The following ROR1 variants were observed in gnomAD, a reference collection of about 807,000 sequenced individuals.
The protein encoded by ROR1 is inactive tyrosine-protein kinase transmembrane receptor ROR1.
ROR1 carries 19 observed loss-of-function variants against 78.8 expected under a neutral mutation model. That is an observed-to-expected ratio of 0.24 (90% CI 0.17 to 0.35). ROR1 has a LOEUF of 0.35. Ranked by LOEUF, ROR1 falls within the 10% of genes least tolerant of loss-of-function variation. ROR1 has a pLI of 1.00. For synonymous variants in ROR1, 386 were observed against 433.6 expected (o/e 0.89, Z 1.36); for missense variants, 917 against 1,177.8 (o/e 0.78, Z 3.24).
At chr1:63,823,940 G>T (rs1644938770) in intron 1 of ROR1, among the ~76,000 whole-genome samples, 1 of 152,058 alleles carries the variant, frequency 6.6e-6, no homozygotes, top group Non-Finnish European at 1.5e-5. Context: ...TAGAGATGGG[G>T]TTTCACCATG....
chr1:64,127,488 CTG>C (rs1259982451), intron 4 of ROR1, among the ~76,000 whole-genome samples: 1 of 151,090 alleles, frequency 6.6e-6, no homozygotes, highest in Non-Finnish European at 1.5e-5. Context: ...TCTCCTCTCT[CTG>C]TCTCTCTCTC....
intron 4 of ROR1, among the ~76,000 whole-genome samples, chr1:64,097,989 T>C (rs1647363889): frequency 6.6e-6 from 1 of 152,196 alleles, no homozygotes; most frequent in Non-Finnish European, 1.5e-5. Flanking sequence ...ACACAATTGC[T>C]ACTCATCTGT....
intron 1 of ROR1, among the ~76,000 whole-genome samples, chr1:63,859,441 C>T (rs572224167): frequency 6.6e-6 from 1 of 151,918 alleles, no homozygotes; most frequent in South Asian, 2.1e-4. Flanking sequence ...TATGTTAGTA[C>T]ATGTTGATTC....
chr1:63,786,256 ATTTTTTTTTT>A (rs34933492), intron 1 of ROR1, among the ~76,000 whole-genome samples: 62 of 67,508 alleles, frequency 9.2e-4, no homozygotes, highest in Admixed American at 1.5e-3. Context: ...CTACAACTTG[ATTTTTTTTTT>A]TTTTTTTTTT....
intron 4 of ROR1, among the ~76,000 whole-genome samples, chr1:64,078,761 C>T (rs1211593535): frequency 4.6e-5 from 7 of 152,058 alleles, no homozygotes; most frequent in Admixed American, 2.0e-4. Flanking sequence ...GGAAAAGATA[C>T]GATCTTAAGA....
At chr1:64,097,408 C>A (rs925472014) in intron 4 of ROR1, among the ~76,000 whole-genome samples, 3 of 152,152 alleles carry the variant, frequency 2.0e-5, no homozygotes, top group Non-Finnish European at 4.4e-5. Context: ...CAGCTGATTA[C>A]TGATCTTAAT....
chr1:64,120,561 C>T (rs1251708437), intron 4 of ROR1, among the ~76,000 whole-genome samples: 1 of 151,304 alleles, frequency 6.6e-6, no homozygotes, highest in African/African-American at 2.4e-5. Context: ...TTACACTTAC[C>T]ACACATCTCA....
chr1:63,954,021 A>G (rs1645962304), intron 1 of ROR1, among the ~76,000 whole-genome samples: 1 of 152,134 alleles, frequency 6.6e-6, no homozygotes, highest in East Asian at 1.9e-4. Flanking sequence ...CAGGAGTGAG[A>G]CCTGGGCTAA....
At chr1:64,106,518 G>A (rs1046250813) in intron 4 of ROR1, 11 of 152,128 alleles carry the variant, frequency 7.2e-5, no homozygotes, top group African/African-American at 2.7e-4. Flanking sequence ...GTGAGAAGAG[G>A]GCATCCTTAC....
intron 1 of ROR1, among the ~76,000 whole-genome samples, chr1:63,860,489 G>A (rs1362535748): frequency 6.6e-6 from 1 of 151,752 alleles, no homozygotes; most frequent in African/African-American, 2.4e-5. Context: ...GGGAGGCCGA[G>A]GTGGGCAGAT....
chr1:64,035,313 A>G (rs889011941), intron 2 of ROR1, among the ~76,000 whole-genome samples: 2 of 152,206 alleles, frequency 1.3e-5, no homozygotes, highest in South Asian at 2.1e-4. Flanking sequence ...CACGAAGAGG[A>G]AGCTTAAGTT....
chr1:64,059,678 C>T (rs1646901722), intron 4 of ROR1, among the ~76,000 whole-genome samples: 1 of 146,564 alleles, frequency 6.8e-6, no homozygotes, highest in South Asian at 2.2e-4. Flanking sequence ...CACTACATTC[C>T]AGCCTGGGTG....
At chr1:64,076,105 T>C (rs1160161561) in intron 4 of ROR1, among the ~76,000 whole-genome samples, 1 of 151,948 alleles carries the variant, frequency 6.6e-6, no homozygotes, top group Admixed American at 6.5e-5. Flanking sequence ...TAGCTGGAGG[T>C]TATTCTCCTG....
chr1:64,035,625 C>G (rs912852696), intron 2 of ROR1, among the ~76,000 whole-genome samples: 2 of 152,140 alleles, frequency 1.3e-5, no homozygotes, highest in African/African-American at 4.8e-5. Context: ...TTGTCAGTTG[C>G]TGTTAGTGCC....
Position 63,774,384 on chromosome 1 carries a change from A to AGCCGCCGCC in ROR1, c.-24_-16dup. 2 of 1,243,496 alleles carry AGCCGCCGCC rather than the reference A, an allele frequency of 1.6e-6. No individual in the cohort carries two copies. The highest frequency in any genetic ancestry group is 2.0e-6 in the Non-Finnish European group (2 of 978,746). 77.0% of individuals were successfully genotyped at this position (1,243,496 alleles called of 1,614,324 possible). On this transcript the variant is annotated 5_prime_UTR_variant, in exon 1 of 9. Coordinates refer to ENST00000371079, the MANE Select transcript of ROR1 (RefSeq NM_005012.4). The surrounding 1 kb of genome is among the most constrained non-coding windows in gnomAD (Gnocchi z 5.7). ...GTGGATGTTCTGCGCGCGGCCTGGGAGCCGCCGCCGCCGCCGCCTCAGCGA... is the reference window on the plus strand; with the variant it reads ...GTGGATGTTCTGCGCGCGGCCTGGGAGCCGCCGCCGCCGCCGCCGCCGCCGCCTCAGCGA...
chr1:63,908,930 A>G (rs750072607), intron 1 of ROR1, among the ~76,000 whole-genome samples: 12 of 152,206 alleles, frequency 7.9e-5, no homozygotes, highest in Admixed American at 2.0e-4. Context: ...CTCCATAGCT[A>G]CTGATACAAT....
chr1:64,090,121 G>A (rs539156413), intron 4 of ROR1, among the ~76,000 whole-genome samples: 241 of 152,214 alleles, frequency 1.6e-3, no homozygotes, highest in Non-Finnish European at 2.8e-3. Flanking sequence ...CCAGTCTTGG[G>A]TGTGTCTTTA....
chr1:63,902,909 G>T (rs911154237), intron 1 of ROR1, among the ~76,000 whole-genome samples: 3 of 152,110 alleles, frequency 2.0e-5, no homozygotes, highest in Non-Finnish European at 4.4e-5. Context: ...TCCTAAGTTT[G>T]CTGATCCTCC....
At chr1:63,988,499 T>G (rs1351980350) in intron 1 of ROR1, among the ~76,000 whole-genome samples, 1 of 152,204 alleles carries the variant, frequency 6.6e-6, no homozygotes, top group Non-Finnish European at 1.5e-5. Flanking sequence ...ATAAAATTAC[T>G]TTTTAACCAT....
Sources: allele counts gnomAD v4.1 joint callset (sites outside exome capture counted in the v4.1 genomes callset), GRCh38; gene constraint gnomAD v4.1.1; non-coding constraint Gnocchi (gnomAD v3.1); transcripts MANE v1.5; gene names NCBI Gene and HGNC (gene_info 2026-07-23, HGNC 2026-07-21).